PTPRS: variants seen among roughly 807,000 people sequenced by gnomAD.
The protein encoded by PTPRS is protein tyrosine phosphatase receptor type S.
Under a neutral mutation model 215.3 loss-of-function variants are expected in PTPRS, and 63 were observed. The observed-to-expected ratio is 0.29, with a 90% CI of 0.24 to 0.36. PTPRS has a LOEUF of 0.36. Ranked by LOEUF, PTPRS falls within the 10% of genes least tolerant of loss-of-function variation. PTPRS has a pLI of 1.00. For synonymous variants in PTPRS, 1,404 were observed against 1,191.4 expected, an observed-to-expected ratio of 1.18 and a Z score of -3.68; for missense variants, 2,258 against 2,825.8, an observed-to-expected ratio of 0.80 and a Z score of 4.56.
intron 1 of PTPRS, among the ~76,000 whole-genome samples, chr19:5,304,625 G>A (rs993832131): frequency 6.6e-6 from 1 of 152,136 alleles, no homozygotes; most frequent in Non-Finnish European, 1.5e-5. Flanking sequence ...CTCCTGTCTG[G>A]GTGATAGGGG....
At chr19:5,267,587 G>A (rs574752049) in intron 4 of PTPRS, among the ~76,000 whole-genome samples, 40 of 151,852 alleles carry the variant, frequency 2.6e-4, no homozygotes, top group African/African-American at 9.2e-4. Context: ...AACCCAGGAG[G>A]TGGAGGTTGC....
rs577663502 is a variant in PTPRS, at chr19:5,214,248, G to A, written c.4614+113C>T. Reference sequence around the variant, plus strand: ...GAATGTAGTCAGCCTGGGTAGACACGCTCCGCTTTCTCTCTGTCCCATGGG... The same window carrying A: ...GAATGTAGTCAGCCTGGGTAGACACACTCCGCTTTCTCTCTGTCCCATGGG... On this transcript the variant is annotated intron_variant, in intron 30 of 37. Transcript: ENST00000262963. 146 of 1,447,406 alleles carry A rather than the reference G, an allele frequency of 1.0e-4. No homozygotes were observed. In the South Asian group the frequency reaches 1.3e-3, roughly 13 times the overall value. 89.7% of individuals were successfully genotyped at this position (1,447,406 alleles called of 1,614,324 possible). A position where few individuals can be genotyped will look rare whatever the true frequency, so the allele number is the denominator to read the frequency against.
Position 5,264,998 on chromosome 19 carries a change from C to A in PTPRS, c.568+10G>T. On this transcript the variant is annotated intron_variant, in intron 5 of 37. Coordinates refer to ENST00000262963, the MANE Select transcript of PTPRS (RefSeq NM_002850.4). ...AAGGCTCCCACGTCCTGTCAGCCAC[C>A]CTCACTCACCTGATCGCAGCTGTTT... 1.2e-6 allele frequency: 2 copies of A among 1,613,274 alleles called. No homozygotes were observed. The highest frequency in any genetic ancestry group is 1.7e-6 in the Non-Finnish European group (2 of 1,179,672).
intron 1 of PTPRS, among the ~76,000 whole-genome samples, chr19:5,304,723 G>T (rs1600082278): frequency 6.6e-6 from 1 of 152,146 alleles, no homozygotes; most frequent in African/African-American, 2.4e-5. Context: ...AAGAGGTGAT[G>T]TCTAAGATGA....
intron 1 of PTPRS, among the ~76,000 whole-genome samples, chr19:5,334,969 G>A (rs774938124): frequency 1.2e-4 from 19 of 152,182 alleles, no homozygotes; most frequent in Admixed American, 2.6e-4. Flanking sequence ...TTATCCCCCC[G>A]ACATCCCCTC....
intron 4 of PTPRS, among the ~76,000 whole-genome samples, chr19:5,267,382 C>A (rs915096887): frequency 1.3e-5 from 2 of 151,906 alleles, no homozygotes; most frequent in Non-Finnish European, 2.9e-5. Flanking sequence ...ATGGGCCGGC[C>A]GTGGGGGCTC....
intron 11 of PTPRS, among the ~76,000 whole-genome samples, chr19:5,242,145 T>C (rs1228908326): frequency 6.6e-6 from 1 of 152,008 alleles, no homozygotes; most frequent in Non-Finnish European, 1.5e-5. Flanking sequence ...GCAGTTTTCA[T>C]TATTTCAGAA....
chr19:5,217,161 G>T (rs1310189782), intron 25 of PTPRS, among the ~76,000 whole-genome samples: 1 of 152,252 alleles, frequency 6.6e-6, no homozygotes, highest in East Asian at 1.9e-4. Context: ...ATGGGCCCAT[G>T]CCATGAGCTT....
chr19:5,323,509 A>C (rs1358789195), intron 1 of PTPRS, among the ~76,000 whole-genome samples: 1 of 152,246 alleles, frequency 6.6e-6, no homozygotes, highest in Non-Finnish European at 1.5e-5. Flanking sequence ...AAGTGACCTG[A>C]GACGTGAAGG....
intron 4 of PTPRS, among the ~76,000 whole-genome samples, chr19:5,269,239 G>A (rs1054152764): frequency 6.6e-6 from 1 of 152,080 alleles, no homozygotes; most frequent in Non-Finnish European, 1.5e-5. Context: ...GGCCCCGCAG[G>A]GGTCCCCATA....
intron 16 of PTPRS, among the ~76,000 whole-genome samples, chr19:5,228,857 G>A (rs987889164): frequency 6.6e-6 from 1 of 152,202 alleles, no homozygotes; most frequent in African/African-American, 2.4e-5. Context: ...CATCACCCGG[G>A]GGCCAGAATG....
Position 5,274,241 on chromosome 19 carries a change from G to T in PTPRS, c.195C>A (p.Thr65=). The T allele has an allele frequency of 5.0e-6, 8 of 1,614,030 alleles. No individual in the cohort carries two copies. The highest frequency in any genetic ancestry group is 5.1e-6 in the Non-Finnish European group (6 of 1,179,956). The change falls in exon 3 of 38, where the codon ACC becomes ACA. Residue 65 remains threonine (T), a synonymous_variant. Coordinates refer to ENST00000262963, the MANE Select transcript of PTPRS (RefSeq NM_002850.4). ...QATGDPKPRV[T]WNKKGKKVNS... ...TGACCTTCTTGCCCTTCTTGTTCCA[G>T]GTCACTCGTGGCTTGGGGTCACCCG...
intron 1 of PTPRS, among the ~76,000 whole-genome samples, chr19:5,291,757 C>T (rs904026062): frequency 4.6e-5 from 7 of 151,950 alleles, no homozygotes; most frequent in Non-Finnish European, 7.4e-5. Context: ...CAAGCTGAGC[C>T]CCGTTCCTCC....
intron 4 of PTPRS, among the ~76,000 whole-genome samples, chr19:5,272,131 C>A (rs1189972849): frequency 6.6e-6 from 1 of 152,104 alleles, no homozygotes; most frequent in Non-Finnish European, 1.5e-5. Flanking sequence ...ACAGGCTGGG[C>A]CCAGTGCTAA....
In PTPRS at chr19:5,222,903, G is replaced by C. The variant is rs924961411; in HGVS notation, c.2889C>G (p.Val963=). Residue 963 remains valine, a synonymous_variant, in exon 18 of 38, where the codon GTC becomes GTG. Transcript: ENST00000262963. ...PVPAERNGAI[V]KYTVAVREAG... is the part of the protein sequence containing the mutation. ...CCTCCCGCACGGCCACCGTGTATTT[G>C]ACGATGGCCCCGTTGCGCTCGGCGG... The C allele has an allele frequency of 6.4e-7, 1 of 1,573,190 alleles. No individual in the cohort carries two copies. Among genetic ancestry groups the C allele is most frequent in the African/African-American group, 1.4e-5 (1 of 73,666 alleles).
At chr19:5,261,001 GCCT>G (rs1485440899) in intron 6 of PTPRS, among the ~76,000 whole-genome samples, 179 bp from the exon 7 acceptor site, 1 of 152,062 alleles carries the variant, frequency 6.6e-6, no homozygotes, top group Non-Finnish European at 1.5e-5. Flanking sequence ...GCTAGGAGAG[GCCT>G]CCTAGGAGCA....
intron 6 of PTPRS, among the ~76,000 whole-genome samples, chr19:5,262,753 G>T (rs552326307): frequency 3.0e-4 from 46 of 152,038 alleles, no homozygotes; most frequent in African/African-American, 1.1e-3. Context: ...TTTTCCTTTG[G>T]GTTTCTTTCT....
rs931430144 is a variant in PTPRS at position 5,205,902 on chromosome 19, G to A, written c.*872C>T. Among the ~76,000 whole-genome samples, 2 of 151,666 alleles carry A rather than the reference G, an allele frequency of 1.3e-5. No individual in the cohort carries two copies. Among genetic ancestry groups the A allele is most frequent in the African/African-American group, 4.8e-5 (2 of 41,270 alleles). On this transcript the variant is annotated 3_prime_UTR_variant, in exon 38 of 38. Coordinates refer to ENST00000262963, the MANE Select transcript of PTPRS (RefSeq NM_002850.4). ...AACCGCACCCAACGCCACTGGGTCCGAGCTCCCCCATGACCTTACCCTCAG... is the reference window on the plus strand; with the variant it reads ...AACCGCACCCAACGCCACTGGGTCCAAGCTCCCCCATGACCTTACCCTCAG...
At chr19:5,275,996 G>A (rs543573999) in intron 2 of PTPRS, among the ~76,000 whole-genome samples, 6 of 152,060 alleles carry the variant, frequency 3.9e-5, no homozygotes, top group African/African-American at 1.2e-4. Flanking sequence ...ATTTATAGGC[G>A]TCAACCACCA....
Sources: allele counts gnomAD v4.1 joint callset (sites outside exome capture counted in the v4.1 genomes callset), GRCh38; gene constraint gnomAD v4.1.1; transcripts MANE v1.5; gene names NCBI Gene and HGNC (gene_info 2026-07-23, HGNC 2026-07-21).